BOLL: variants seen among roughly 807,000 people sequenced by gnomAD.
BOLL encodes protein boule-like.
Under a neutral mutation model 44.4 loss-of-function variants are expected in BOLL, and 23 were observed. The observed-to-expected ratio is 0.52, with a 90% CI of 0.37 to 0.73. The LOEUF (loss-of-function observed/expected upper bound fraction) is 0.73. Ranked by LOEUF, BOLL falls within the 30% of genes least tolerant of loss-of-function variation. The pLI is 0.00. For synonymous variants in BOLL, 97 were observed against 110.8 expected, an observed-to-expected ratio of 0.88 and a Z score of 0.78; for missense variants, 287 against 338.3, an observed-to-expected ratio of 0.85 and a Z score of 1.19.
intron 9 of BOLL, among the ~76,000 whole-genome samples, chr2:197,743,770 T>G (rs1394007666): frequency 6.6e-6 from 1 of 152,168 alleles, no homozygotes; most frequent in Non-Finnish European, 1.5e-5. Flanking sequence ...TATTATCATA[T>G]AAAAGTACAA....
At chr2:197,754,713 C>T (rs1307268686) in intron 9 of BOLL, among the ~76,000 whole-genome samples, 1 of 146,862 alleles carries the variant, frequency 6.8e-6, no homozygotes, top group Non-Finnish European at 1.5e-5. Flanking sequence ...GACTCCGTCT[C>T]AAAAAACAAA....
intron 9 of BOLL, among the ~76,000 whole-genome samples, chr2:197,748,827 T>A (rs188976717): frequency 1.5e-3 from 224 of 152,312 alleles, no homozygotes; most frequent in African/African-American, 5.1e-3. Flanking sequence ...ACTTAAATGT[T>A]CCTGCCTGCC....
At chr2:197,743,015 T>C in intron 10 of BOLL, 46 bp downstream of exon 10, 1 of 1,425,574 alleles carries the variant, frequency 7.0e-7, no homozygotes, top group Non-Finnish European at 9.5e-7. Context: ...AAACTTGAAA[T>C]ATGATGGAAG....
At chr2:197,784,935 G>C (rs1401987999) in intron 1 of BOLL, 121 bp downstream of exon 1, 1 of 986,264 alleles carries the variant, frequency 1.0e-6, no homozygotes, top group African/African-American at 1.7e-5. Context: ...TCCAGCACTA[G>C]AGAGTTTATT....
chr2:197,784,807 A>G, intron 1 of BOLL: 1 of 987,636 alleles, frequency 1.0e-6, no homozygotes, highest in Non-Finnish European at 1.2e-6. Context: ...TTAGCGATGC[A>G]TTGAGTTAAA....
intron 10 of BOLL, among the ~76,000 whole-genome samples, chr2:197,741,793 A>G (rs1437920697): frequency 6.6e-6 from 1 of 151,952 alleles, no homozygotes; most frequent in Non-Finnish European, 1.5e-5. Flanking sequence ...CATGGCAACA[A>G]AAGCCAAAAT....
intron 9 of BOLL, among the ~76,000 whole-genome samples, chr2:197,749,174 A>G (rs1361944914): frequency 6.6e-6 from 1 of 152,238 alleles, no homozygotes; most frequent in Admixed American, 6.5e-5. Flanking sequence ...ACTAACAAAC[A>G]GAAAGCAATA....
chr2:197,745,875 G>T (rs1559397551), intron 9 of BOLL, among the ~76,000 whole-genome samples: 1 of 152,074 alleles, frequency 6.6e-6, no homozygotes, highest in Non-Finnish European at 1.5e-5. Context: ...AGTATGTATT[G>T]GTCAGAGTGA....
chr2:197,762,536 A>C (rs1313957683), intron 7 of BOLL, among the ~76,000 whole-genome samples: 1 of 152,200 alleles, frequency 6.6e-6, no homozygotes. Context: ...ATTAAAAAAA[A>C]CTGAAATTAT....
At chr2:197,742,788 C>T (rs963009756) in intron 10 of BOLL, among the ~76,000 whole-genome samples, 4 of 151,798 alleles carry the variant, frequency 2.6e-5, no homozygotes, top group African/African-American at 9.7e-5. Flanking sequence ...ACATTGTGCA[C>T]ATGTACCCTA....
chr2:197,760,071 C>T (rs948260462), intron 7 of BOLL, among the ~76,000 whole-genome samples: 1 of 152,152 alleles, frequency 6.6e-6, no homozygotes, highest in Non-Finnish European at 1.5e-5. Flanking sequence ...AGCCTGTGTC[C>T]CAGGCCTGAA....
chr2:197,782,009 A>T, intron 1 of BOLL, 144 bp from the exon 2 acceptor site: 1 of 579,426 alleles, frequency 1.7e-6, no homozygotes, highest in Non-Finnish European at 2.6e-6. Context: ...ATATTATAAA[A>T]ATTATAATTA....
chr2:197,764,349 T>C (rs1289304914), intron 7 of BOLL, among the ~76,000 whole-genome samples: 1 of 152,190 alleles, frequency 6.6e-6, no homozygotes, highest in African/African-American at 2.4e-5. Context: ...GGAATACTAT[T>C]TGGCTATAAA....
chr2:197,772,102 G>A, intron 5 of BOLL, 120 bp from the exon 6 acceptor site: 3 of 774,934 alleles, frequency 3.9e-6, no homozygotes, highest in Non-Finnish European at 5.4e-6. Context: ...GGTAAAAATT[G>A]AATGTCACAG....
chr2:197,746,176 G>A (rs1294096311), intron 9 of BOLL, among the ~76,000 whole-genome samples: 1 of 152,142 alleles, frequency 6.6e-6, no homozygotes, highest in Non-Finnish European at 1.5e-5. Flanking sequence ...GGAGGAAAGG[G>A]AATCCTTGTA....
rs562308957 is a variant in BOLL, at chr2:197,746,882, G to C, written c.730-3723C>G. Among the ~76,000 whole-genome samples, 6 of 136,686 alleles carry C rather than the reference G, an allele frequency of 4.4e-5. No individual in the cohort carries two copies. The South Asian group carries it at 1.2e-3, about 28-fold the overall frequency. 89.7% of individuals were successfully genotyped at this position (136,686 alleles called of 152,430 possible). On this transcript the variant is annotated intron_variant, in intron 9 of 10. Coordinates refer to ENST00000392296, the MANE Select transcript of BOLL (RefSeq NM_033030.6). ...GCCACTGCACTCCAACTTGGTGACA[G>C]AGTGAGACTCTGTCTCGAAAAAAAA...
At chr2:197,729,678 G>C (rs909452935) in intron 10 of BOLL, among the ~76,000 whole-genome samples, 1 of 152,166 alleles carries the variant, frequency 6.6e-6, no homozygotes, top group Non-Finnish European at 1.5e-5. Flanking sequence ...CAGCCTAACT[G>C]GGAGGCACCC....
Position 197,773,509 on chromosome 2 carries a change from G to A in BOLL, c.353-1527C>T, listed in dbSNP as rs148626445. Among the ~76,000 whole-genome samples, 797 of 151,850 alleles carry A rather than the reference G, an allele frequency of 5.2e-3. 6 individuals carry two copies. Among genetic ancestry groups the A allele is most frequent in the Non-Finnish European group, 8.7e-3 (589 of 67,834 alleles). On this transcript the variant is annotated intron_variant, in intron 5 of 10. Transcript: ENST00000392296. ...AAATACATGAGGCATTATAGGGTACGATACTGAACATTTCAATTATTATGT... is the reference window on the plus strand; with the variant it reads ...AAATACATGAGGCATTATAGGGTACAATACTGAACATTTCAATTATTATGT...
At chr2:197,750,632 C>T (rs943575207) in intron 9 of BOLL, among the ~76,000 whole-genome samples, 1 of 152,170 alleles carries the variant, frequency 6.6e-6, no homozygotes, top group African/African-American at 2.4e-5. Flanking sequence ...TACAGGAGCA[C>T]CCAGATTCAC....
Sources: allele counts gnomAD v4.1 joint callset (sites outside exome capture counted in the v4.1 genomes callset), GRCh38; gene constraint gnomAD v4.1.1; transcripts MANE v1.5; gene names NCBI Gene and HGNC (gene_info 2026-07-23, HGNC 2026-07-21).